Variants in UGT2B11 observed in about 807,000 individuals in gnomAD.
UGT2B11 encodes the protein UDP-glucuronosyltransferase 2B11.
In UGT2B11, 49 loss-of-function variants were observed where a neutral mutation model predicts 51.7. The ratio of observed to expected loss-of-function variants is 0.95; its 90% confidence interval spans 0.75 to 1.20. The LOEUF is 1.20. UGT2B11 is among the 50% of genes most tolerant of loss of function. The probability of loss-of-function intolerance (pLI) is 0.00; values close to 1 mark genes in which losing one functional copy is unlikely to be tolerated. For missense variants in UGT2B11, 810 were observed against 622.1 expected, an observed-to-expected ratio of 1.30 and a Z score of -3.21; for synonymous variants, 273 against 209.0, an observed-to-expected ratio of 1.31 and a Z score of -2.64.
At chr4:69,205,390 T>C (rs1400278354) in intron 4 of UGT2B11, 90 bp downstream of exon 4, 12 of 1,504,620 alleles carry the variant, frequency 8.0e-6, no homozygotes, top group Non-Finnish European at 1.1e-5. Context: ...CTTTTTTGTT[T>C]TCCTATAACA....
At chr4:69,208,721 T>C (rs886133466) in intron 2 of UGT2B11, among the ~76,000 whole-genome samples, 1 of 151,632 alleles carries the variant, frequency 6.6e-6, no homozygotes, top group African/African-American at 2.4e-5. Context: ...TGCATGTGTG[T>C]AATGGAGGAA....
chr4:69,212,614 C>T lies in UGT2B11; in HGVS notation c.829G>A (p.Val277Ile), dbSNP rs780564592. ...GCAGGTTTGCAGTGGAATCCTCCAA[C>T]AAAATCAACGTTTGGTAAGAATGGA... ...PHPFLPNVDF[V>I]GGFHCKPAKP... The change falls in exon 2 of 6, where the codon GTT becomes ATT. Residue 277 changes from valine to isoleucine, a missense_variant. Transcript: ENST00000446444. The T allele has an allele frequency of 1.6e-5, 25 of 1,609,542 alleles. No homozygotes were observed. Among genetic ancestry groups the T allele is most frequent in the South Asian group, 3.3e-5 (3 of 90,656 alleles).
chr4:69,214,701 C>G lies in UGT2B11; in HGVS notation c.22G>C (p.Val8Leu), dbSNP rs369485659. 5.6e-6 allele frequency: 9 copies of G among 1,612,590 alleles called. No homozygotes were observed. In the African/African-American group the frequency reaches 1.2e-4, roughly 22 times the overall value. ...CAACTGAGATGTATCAGCAGAAGAACTGAAGTCCATTTCAGAGTCATCCTG... is the reference window on the plus strand; with the variant it reads ...CAACTGAGATGTATCAGCAGAAGAAGTGAAGTCCATTTCAGAGTCATCCTG... Reference protein sequence around the residue: MTLKWTSVLLLIHLSCYF... With the variant: MTLKWTSLLLLIHLSCYF... Residue 8 changes from valine to leucine, a missense_variant, in exon 1 of 6, where the codon GTT becomes CTT. Val to Leu is a conservative substitution (Grantham distance 32, BLOSUM62 1). Coordinates refer to ENST00000446444, the MANE Select transcript of UGT2B11 (RefSeq NM_001073.3).
At position 69,208,488 on chromosome 4, in the gene UGT2B11, A is replaced by C; in HGVS notation, c.871-6T>G. On this transcript the variant is annotated splice_polypyrimidine_tract_variant and splice_region_variant and intron_variant, in intron 2 of 5. Coordinates refer to ENST00000446444, the MANE Select transcript of UGT2B11 (RefSeq NM_001073.3). ...TGTACAAACTCCTCCATTTCCTGTG[A>C]AAAAAAAATTGTTTCATCACAAAAG... 1 of 1,596,128 alleles carries C rather than the reference A, an allele frequency of 6.3e-7. No homozygotes were observed. The highest frequency in any genetic ancestry group is 8.5e-7 in the Non-Finnish European group (1 of 1,172,572).
intron 2 of UGT2B11, chr4:69,211,151 T>G (rs1360195278): frequency 1.3e-5 from 2 of 151,606 alleles, no homozygotes; most frequent in Non-Finnish European, 3.0e-5. Context: ...CTAATAGGTA[T>G]GTTTATGCTC....
At chr4:69,203,183 G>T (rs1223513487) in intron 5 of UGT2B11, among the ~76,000 whole-genome samples, 2 of 151,588 alleles carry the variant, frequency 1.3e-5, no homozygotes, top group East Asian at 2.0e-4. Flanking sequence ...AAATAGAAAA[G>T]TTAAAAATGT....
intron 2 of UGT2B11, among the ~76,000 whole-genome samples, chr4:69,208,896 G>C (rs1056536594): frequency 3.3e-5 from 5 of 151,548 alleles, no homozygotes; most frequent in African/African-American, 1.2e-4. Flanking sequence ...TTTATTTCAG[G>C]CATGTTTTCT....
chr4:69,215,748 G>A (rs929571910), upstream of UGT2B11: 12 of 151,884 alleles, frequency 7.9e-5, no homozygotes, highest in African/African-American at 2.4e-4. Context: ...CAATGTATGA[G>A]GGTTTCAATG....
At chr4:69,224,464 A>C in the UGT2B11 span, among the ~76,000 whole-genome samples, 1 of 152,092 alleles carries the variant, frequency 6.6e-6, no homozygotes, top group African/African-American at 2.4e-5. Context: ...GCCTTTTTCC[A>C]GAGAGCCTGA....
chr4:69,206,483 G>T (rs1034226670), intron 3 of UGT2B11, among the ~76,000 whole-genome samples: 1 of 151,414 alleles, frequency 6.6e-6, no homozygotes, highest in African/African-American at 2.4e-5. Context: ...GAGGGTGGAG[G>T]GTGGGAGGAA....
upstream of UGT2B11, among the ~76,000 whole-genome samples, chr4:69,217,977 G>C (rs538372612): frequency 2.2e-4 from 33 of 152,190 alleles, 1 homozygote; most frequent in African/African-American, 5.8e-4. Flanking sequence ...TGAGGACTCT[G>C]CCTTCGTGAC....
At chr4:69,208,982 T>C (rs1008271151) in intron 2 of UGT2B11, among the ~76,000 whole-genome samples, 1 of 151,662 alleles carries the variant, frequency 6.6e-6, no homozygotes, top group Admixed American at 6.6e-5. Flanking sequence ...ATATTCACAG[T>C]TGGGATAATT....
intron 3 of UGT2B11, 26 bp from the exon 4 acceptor site, chr4:69,205,593 T>C (rs1229884608): frequency 8.1e-6 from 13 of 1,604,520 alleles, no homozygotes; most frequent in Non-Finnish European, 1.0e-5. Context: ...GAATATCTTA[T>C]TCCATGAGTG....
the UGT2B11 span, among the ~76,000 whole-genome samples, chr4:69,221,808 G>A: frequency 6.6e-6 from 1 of 152,192 alleles, no homozygotes; most frequent in Admixed American, 6.5e-5. Context: ...AAACTTACCT[G>A]GGGCTCTGTG....
At chr4:69,211,058 T>A (rs1338482662) in intron 2 of UGT2B11, 1 of 151,544 alleles carries the variant, frequency 6.6e-6, no homozygotes, top group Non-Finnish European at 1.5e-5. Context: ...TCTGTGCTTC[T>A]CTGTCAGGCA....
intron 4 of UGT2B11, 144 bp downstream of exon 4, chr4:69,205,336 C>T (rs2109943196): frequency 7.4e-6 from 8 of 1,082,154 alleles, no homozygotes; most frequent in East Asian, 5.2e-5. Flanking sequence ...ACAATTCTAC[C>T]ATATTCTTTT....
At chr4:69,219,110 C>G (rs146508879), upstream of UGT2B11, among the ~76,000 whole-genome samples, 2 of 152,156 alleles carry the variant, frequency 1.3e-5, no homozygotes, top group Admixed American at 1.3e-4. Flanking sequence ...CATCCACACT[C>G]AGTATTTTCT....
intron 2 of UGT2B11, among the ~76,000 whole-genome samples, chr4:69,209,279 T>C (rs538450833): frequency 7.3e-5 from 11 of 151,664 alleles, no homozygotes; most frequent in African/African-American, 2.7e-4. Flanking sequence ...ACTGTTAAAT[T>C]GATGTGCTAT....
In UGT2B11 at chr4:69,200,188, A is replaced by T. The variant is rs776536899; in HGVS notation, c.*252T>A. The T allele has an allele frequency of 3.3e-5, 12 of 364,088 alleles. No homozygotes were observed. In the South Asian group the frequency reaches 7.4e-4, roughly 22 times the overall value. The allele number at this position is 364,088 out of a possible 1,614,324, so 22.6% of individuals were successfully genotyped here. The stretch of plus-strand genomic sequence containing the variant: ...TGCAACAAATTTCAATATGAGCTCA[A>T]ATGGCTTTATATTATTTTTTAATTT... On this transcript the variant is annotated 3_prime_UTR_variant, in exon 6 of 6. Coordinates refer to ENST00000446444, the MANE Select transcript of UGT2B11 (RefSeq NM_001073.3).
Sources: allele counts gnomAD v4.1 joint callset (sites outside exome capture counted in the v4.1 genomes callset), GRCh38; gene constraint gnomAD v4.1.1; transcripts MANE v1.5; gene names NCBI Gene and HGNC (gene_info 2026-07-23, HGNC 2026-07-21).